Variants in DNAH14 observed in about 807,000 individuals in gnomAD.
DNAH14 encodes the protein dynein axonemal heavy chain 14.
Under a neutral mutation model 520.9 loss-of-function variants are expected in DNAH14, and 478 were observed. That is an observed-to-expected ratio of 0.92 (90% CI 0.85 to 0.99). DNAH14 has a LOEUF of 0.99. Among genes scored for constraint, DNAH14 ranks in the 50% least tolerant of loss-of-function variants. The pLI is 0.00. For missense variants in DNAH14, 4,831 were observed against 5,234.5 expected (o/e 0.92, Z 2.38); for synonymous variants, 1,581 against 1,757.2 (o/e 0.90, Z 2.51).
chr1:225,286,900 A>T (rs2149968986), intron 54 of DNAH14, among the ~76,000 whole-genome samples: 1 of 152,340 alleles, frequency 6.6e-6, no homozygotes. Flanking sequence ...ATTAAGAGAT[A>T]AAAAGAAATG....
intron 42 of DNAH14, among the ~76,000 whole-genome samples, chr1:225,236,640 T>A (rs1167111605): frequency 6.6e-6 from 1 of 152,152 alleles, no homozygotes; most frequent in East Asian, 1.9e-4. Context: ...TGGGTGCTCC[T>A]GTATTGGGTG....
chr1:225,101,151 C>T (rs2075413846), intron 23 of DNAH14, among the ~76,000 whole-genome samples: 1 of 151,056 alleles, frequency 6.6e-6, no homozygotes, highest in Non-Finnish European at 1.5e-5. Context: ...AAGAGATATC[C>T]TATCTTTTTT....
In DNAH14 at chr1:225,304,012, A is replaced by G. The variant is rs1389057515; in HGVS notation, c.8823+665A>G. ...AGGACAGAGACAGAGTAGAACCAGA[A>G]GAAAAAAAAATGCCGCTGAGTTAAA... On this transcript the variant is annotated intron_variant, in intron 57 of 85. Coordinates refer to ENST00000682510, the MANE Select transcript of DNAH14 (RefSeq NM_001367479.1). 2.0e-5 allele frequency among the ~76,000 whole-genome samples: 3 copies of G among 151,088 alleles called. No homozygotes were observed. The East Asian group carries it at 5.8e-4, about 29-fold the overall frequency.
chr1:225,258,052 G>A lies in DNAH14; in HGVS notation c.6958G>A (p.Asp2320Asn), dbSNP rs1396313683. 1.9e-6 allele frequency: 3 copies of A among 1,550,292 alleles called. No individual in the cohort carries two copies. The South Asian group carries it at 3.6e-5, about 18-fold the overall frequency. The change falls in exon 45 of 86, where the codon GAC (aspartate) becomes AAC (asparagine). Residue 2320 changes from aspartate (D) to asparagine (N), a missense_variant. Physicochemically the swap from Asp to Asn is conservative, Grantham distance 23. Transcript: ENST00000682510. ...GECINYTATR[D>N]TTCLSFLMSL... is the part of the protein sequence containing the mutation. ...ATGCATTAATTATACCGCTACCAGA[G>A]ACACAACATGCCTTTCTTTTCTCAT...
At chr1:225,308,895 ATCAGTAGCTATTCCTGC>A (rs2094302416) in intron 60 of DNAH14, among the ~76,000 whole-genome samples, 1 of 152,222 alleles carries the variant, frequency 6.6e-6, no homozygotes, top group Non-Finnish European at 1.5e-5. Flanking sequence ...CTCTGGTCTG[ATCAGTAGCTATTCCTGC>A]TCAGAGCAAG....
intron 36 of DNAH14, among the ~76,000 whole-genome samples, chr1:225,176,640 C>CT (rs1403651573): frequency 6.6e-6 from 1 of 151,426 alleles, no homozygotes; most frequent in Non-Finnish European, 1.5e-5. Flanking sequence ...TGGGGCAGGT[C>CT]TTTCCCATGC....
At chr1:225,113,239 G>A (rs890387915) in intron 23 of DNAH14, among the ~76,000 whole-genome samples, 16 of 152,138 alleles carry the variant, frequency 1.1e-4, no homozygotes, top group African/African-American at 3.9e-4. Context: ...TGCAGACAAG[G>A]TACCACCTTG....
chr1:224,933,441 C>G (rs995136446), intron 1 of DNAH14, among the ~76,000 whole-genome samples: 1 of 152,046 alleles, frequency 6.6e-6, no homozygotes, highest in African/African-American at 2.4e-5. Context: ...CCTGAATGTT[C>G]TGGCTAGGAC....
chr1:225,042,629 G>T (rs896899793), intron 12 of DNAH14, among the ~76,000 whole-genome samples: 1 of 152,110 alleles, frequency 6.6e-6, no homozygotes, highest in African/African-American at 2.4e-5. Flanking sequence ...TACAGTCTTT[G>T]GGGGGAACTC....
intron 8 of DNAH14, among the ~76,000 whole-genome samples, chr1:224,991,763 G>A (rs1023959853): frequency 3.0e-4 from 45 of 152,214 alleles, no homozygotes; most frequent in African/African-American, 1.0e-3. Context: ...ATTCCATGGT[G>A]TATATGTACC....
At position 225,351,760 on chromosome 1, in the gene DNAH14, C is replaced by T. The variant is rs541679195; in HGVS notation, c.11410C>T (p.Leu3804Phe). Residue 3804 changes from leucine to phenylalanine, a missense_variant, in exon 72 of 86, where the codon CTT becomes TTT. Transcript: ENST00000682510. ...LEPFSLLCKSLLSNVSQWDTF... is the reference protein window; with the variant it reads ...LEPFSLLCKSFLSNVSQWDTF... ...ACCATTTTCACTTCTGTGCAAATCC[C>T]TTTTATCAAACGTATCACAATGGGA... is the stretch of plus-strand genomic sequence containing the variant. 1.3e-6 allele frequency: 2 copies of T among 1,551,300 alleles called. No individual in the cohort carries two copies. Among genetic ancestry groups the T allele is most frequent in the Non-Finnish European group, 1.7e-6 (2 of 1,146,746 alleles).
At chr1:224,953,876 A>G (rs2060339473) in intron 2 of DNAH14, among the ~76,000 whole-genome samples, 1 of 152,184 alleles carries the variant, frequency 6.6e-6, no homozygotes, top group African/African-American at 2.4e-5. Context: ...TTTTGTTATT[A>G]CCTTGGACTA....
intron 7 of DNAH14, among the ~76,000 whole-genome samples, chr1:224,973,255 C>T (rs374466642): frequency 1.9e-4 from 29 of 152,328 alleles, no homozygotes; most frequent in African/African-American, 6.3e-4. Context: ...AATTAGCCAA[C>T]GTCATCACTA....
chr1:225,029,685 G>A (rs775411744), intron 11 of DNAH14, among the ~76,000 whole-genome samples: 9 of 151,856 alleles, frequency 5.9e-5, no homozygotes, highest in Non-Finnish European at 8.8e-5. Flanking sequence ...GAGAAGTTTC[G>A]TTGATAGGAG....
intron 69 of DNAH14, among the ~76,000 whole-genome samples, chr1:225,342,270 C>T (rs989716331): frequency 6.6e-6 from 1 of 151,788 alleles, no homozygotes; most frequent in Non-Finnish European, 1.5e-5. Flanking sequence ...CATGAAGCAC[C>T]CATATCCTGG....
chr1:225,057,644 AG>A (rs1234673212), intron 17 of DNAH14, among the ~76,000 whole-genome samples: 3 of 152,182 alleles, frequency 2.0e-5, no homozygotes, highest in African/African-American at 7.2e-5. Context: ...TTGCCCATTC[AG>A]TATGATATTG....
chr1:225,214,997 G>T (rs138414188), intron 41 of DNAH14, among the ~76,000 whole-genome samples: 3 of 152,130 alleles, frequency 2.0e-5, no homozygotes, highest in Non-Finnish European at 4.4e-5. Flanking sequence ...TAATTGTGAT[G>T]TTAGGGTGTC....
intron 1 of DNAH14, among the ~76,000 whole-genome samples, chr1:224,940,734 A>C (rs2059365960): frequency 7.1e-6 from 1 of 140,018 alleles, no homozygotes. Flanking sequence ...ATGTGTTCTC[A>C]TTGTTCAATT....
At chr1:225,335,377 GTATA>G (rs539839785) in intron 66 of DNAH14, among the ~76,000 whole-genome samples, 16,348 of 72,090 alleles carry the variant, frequency 0.23, 3,666 homozygotes, top group South Asian at 0.39. Flanking sequence ...ACATGTGTGT[GTATA>G]TGCACATATA....
Sources: gnomAD v4.1 joint callset for allele counts (sites outside exome capture counted in the v4.1 genomes callset) on GRCh38, gnomAD v4.1.1 for gene constraint, MANE v1.5 for transcripts, NCBI Gene and HGNC (gene_info 2026-07-23, HGNC 2026-07-21) for gene names.